Variants in IL34 observed in about 807,000 individuals in gnomAD.
IL34 encodes interleukin 34.
In IL34, 17 loss-of-function variants were observed where a neutral mutation model predicts 25.3. The observed-to-expected ratio is 0.67, with a 90% confidence interval of 0.46 to 1.01. The LOEUF (loss-of-function observed/expected upper bound fraction) is 1.01. Ranked by LOEUF, IL34 falls within the 50% of genes least tolerant of loss-of-function variation. The pLI is 0.00. For synonymous variants in IL34, 174 were observed against 140.9 expected (o/e 1.23, Z -1.66); for missense variants, 368 against 312.9 (o/e 1.18, Z -1.33).
intron 1 of IL34, among the ~76,000 whole-genome samples, chr16:70,613,741 G>A (rs2051128539): frequency 6.6e-6 from 1 of 152,088 alleles, no homozygotes; most frequent in Admixed American, 6.6e-5. Context: ...AGGCATGGTG[G>A]CGTGCACCTG....
chr16:70,656,851 C>T (rs952289233), intron 3 of IL34, 109 bp from the exon 4 acceptor site: 185 of 1,269,380 alleles, frequency 1.5e-4, no homozygotes, highest in Non-Finnish European at 2.0e-4. Context: ...CTGTCCACAG[C>T]GGACGGCCCG....
chr16:70,659,663 A>C lies in IL34; in HGVS notation c.448A>C (p.Asn150His). The C allele has an allele frequency of 6.2e-7, 1 of 1,613,032 alleles. No individual in the cohort carries two copies. The highest frequency in any genetic ancestry group is 8.5e-7 in the Non-Finnish European group (1 of 1,179,542). Residue 150 changes from asparagine to histidine, a missense_variant, in exon 5 of 6, where the codon AAT (asparagine) becomes CAT (histidine). Transcript: ENST00000288098. ...PKVESVLSLL[N>H]APGPNLKLVR... Reference sequence around the variant, plus strand: ...GGTGGAATCCGTGTTGTCCCTCTTGAATGCCCCAGGGCCAAACCTGAAGCT... The same window carrying C: ...GGTGGAATCCGTGTTGTCCCTCTTGCATGCCCCAGGGCCAAACCTGAAGCT...
intron 4 of IL34, 196 bp downstream of exon 4, chr16:70,657,317 C>CA (rs1713410232): frequency 3.3e-6 from 2 of 600,614 alleles, no homozygotes; most frequent in South Asian, 4.1e-5. Context: ...CCGTGGTGGT[C>CA]ATGAGAGCCG....
chr16:70,640,778 A>T (rs2051763209), intron 1 of IL34, among the ~76,000 whole-genome samples: 1 of 152,136 alleles, frequency 6.6e-6, no homozygotes, highest in Admixed American at 6.6e-5. Flanking sequence ...TAATATACCA[A>T]CGCTTCATTC....
chr16:70,659,914 A>AC, intron 5 of IL34, 83 bp from the exon 6 acceptor site: 1 of 1,481,128 alleles, frequency 6.8e-7, no homozygotes, highest in South Asian at 1.3e-5. Flanking sequence ...AGAGTGGGGG[A>AC]CAAGCACATG....
intron 1 of IL34, among the ~76,000 whole-genome samples, chr16:70,587,052 G>A (rs1288875977): frequency 1.3e-5 from 2 of 152,330 alleles, no homozygotes; most frequent in Admixed American, 1.3e-4. Context: ...GCTAGCTAGT[G>A]TCAGGGTCAA....
intron 1 of IL34, among the ~76,000 whole-genome samples, chr16:70,581,948 CAAA>C (rs2050640264): frequency 7.7e-6 from 1 of 129,592 alleles, no homozygotes; most frequent in East Asian, 2.3e-4. Context: ...CAAAAACAAA[CAAA>C]AACTTTTTAG....
At chr16:70,595,343 C>CTTCTTA (rs144383699) in intron 1 of IL34, among the ~76,000 whole-genome samples, 15,147 of 151,576 alleles carry the variant, frequency 0.1, 1,832 homozygotes, top group African/African-American at 0.27. Context: ...CCTTCTTTTT[C>CTTCTTA]TTCTTCTGAG....
At position 70,646,951 on chromosome 16, in the gene IL34, C is replaced by T. The variant is rs200158701; in HGVS notation, c.4C>T (p.Pro2Ser). The change falls in exon 1 of 6, where the codon CCC becomes TCC. Residue 2 changes from proline to serine, a missense_variant. Pro to Ser is a moderately conservative substitution (Grantham distance 74). Coordinates refer to ENST00000288098, the MANE Select transcript of IL34 (RefSeq NM_001393494.1). The part of the protein sequence containing the change: M[P>S]RGFTWLRYLG... ...CAGGGGGACGAGGAACACCACCATG[C>T]CCCGGGGCTTCACCTGGCTGCGCTG... 3.3e-5 allele frequency: 49 copies of T among 1,469,154 alleles called. No individual in the cohort carries two copies. In the East Asian group the frequency reaches 7.6e-4, roughly 23 times the overall value. 91.0% of individuals were successfully genotyped at this position (1,469,154 alleles called of 1,614,324 possible).
chr16:70,617,490 T>G (rs1467780226), intron 1 of IL34, among the ~76,000 whole-genome samples: 4 of 152,116 alleles, frequency 2.6e-5, no homozygotes, highest in South Asian at 2.1e-4. Context: ...CAAGTTTTTT[T>G]GGGGCACAGT....
chr16:70,647,166 CG>C (rs2051957437), intron 1 of IL34, among the ~76,000 whole-genome samples, 191 bp downstream of exon 1: 1 of 152,262 alleles, frequency 6.6e-6, no homozygotes, highest in African/African-American at 2.4e-5. Context: ...CGGGCTCCGA[CG>C]GGCAAGCTGG....
intron 1 of IL34, among the ~76,000 whole-genome samples, chr16:70,586,758 G>T (rs1007420462): frequency 6.6e-6 from 1 of 152,174 alleles, no homozygotes; most frequent in African/African-American, 2.4e-5. Context: ...TCCTTGCAAG[G>T]TGCAACTGAG....
upstream of IL34, among the ~76,000 whole-genome samples, chr16:70,643,995 G>A (rs1336922944): frequency 6.6e-6 from 1 of 152,110 alleles, no homozygotes; most frequent in East Asian, 1.9e-4. Context: ...TTTGTTTTGA[G>A]ACAGAATCTC....
At chr16:70,640,710 G>A (rs1182220230) in intron 1 of IL34, among the ~76,000 whole-genome samples, 2 of 151,772 alleles carry the variant, frequency 1.3e-5, no homozygotes, top group Non-Finnish European at 2.9e-5. Flanking sequence ...TTGCAGTATA[G>A]TTGATGTATG....
intron 1 of IL34, among the ~76,000 whole-genome samples, chr16:70,620,383 C>T (rs2051254255): frequency 6.6e-6 from 1 of 152,012 alleles, no homozygotes; most frequent in African/African-American, 2.4e-5. Context: ...AATTGCTGGG[C>T]AGGTGGGGGA....
intron 1 of IL34, among the ~76,000 whole-genome samples, chr16:70,639,509 T>C (rs1358544665): frequency 1.3e-5 from 2 of 152,232 alleles, no homozygotes; most frequent in African/African-American, 4.8e-5. Context: ...AGTGAATTAA[T>C]GGATCTAGGC....
intron 1 of IL34, among the ~76,000 whole-genome samples, chr16:70,591,223 G>C (rs1455561879): frequency 6.6e-6 from 1 of 152,152 alleles, no homozygotes. Flanking sequence ...TCAGCTCTCT[G>C]GGTGCCAAGA....
At chr16:70,590,999 G>GC (rs2050747904) in intron 1 of IL34, among the ~76,000 whole-genome samples, 1 of 152,124 alleles carries the variant, frequency 6.6e-6, no homozygotes. Context: ...GTCAGACCCG[G>GC]CCCCGGCCCC....
intron 1 of IL34, among the ~76,000 whole-genome samples, chr16:70,588,305 C>A (rs1184125067): frequency 6.6e-6 from 1 of 151,954 alleles, no homozygotes; most frequent in Non-Finnish European, 1.5e-5. Context: ...ACCAGCCTGG[C>A]CAACATGGCA....
Sources: allele counts gnomAD v4.1 joint callset (sites outside exome capture counted in the v4.1 genomes callset), GRCh38; gene constraint gnomAD v4.1.1; transcripts MANE v1.5; gene names NCBI Gene and HGNC (gene_info 2026-07-23, HGNC 2026-07-21).